UBASH3B: variants seen among roughly 807,000 people sequenced by gnomAD.
UBASH3B encodes the protein ubiquitin associated and SH3 domain containing B.
In UBASH3B, 37 loss-of-function variants were observed where a neutral mutation model predicts 83.4. The observed-to-expected ratio is 0.44, with a 90% confidence interval of 0.34 to 0.58. UBASH3B has a LOEUF of 0.58. UBASH3B is among the 20% of genes least tolerant of loss of function. The pLI is 0.01. For synonymous variants in UBASH3B, 304 were observed against 318.3 expected (o/e 0.96, Z 0.48); for missense variants, 657 against 827.2 (o/e 0.79, Z 2.52).
At chr11:122,768,508 G>GTGTATA (rs557159523) in intron 1 of UBASH3B, among the ~76,000 whole-genome samples, 4,809 of 134,272 alleles carry the variant, frequency 0.036, 113 homozygotes, top group Admixed American at 0.077. Flanking sequence ...GTGTGTGTGT[G>GTGTATA]TATATATATA....
At chr11:122,768,861 AACT>A (rs563945622) in intron 1 of UBASH3B, among the ~76,000 whole-genome samples, 63 of 152,288 alleles carry the variant, frequency 4.1e-4, no homozygotes, top group Admixed American at 2.6e-3. Context: ...CAAGATTGAC[AACT>A]ACTCAGTACA....
intron 2 of UBASH3B, 104 bp from the exon 3 acceptor site, chr11:122,776,920 T>G: frequency 9.0e-7 from 1 of 1,106,526 alleles, no homozygotes. Flanking sequence ...CCCCGCGCTG[T>G]GCCGGGGATT....
intron 1 of UBASH3B, among the ~76,000 whole-genome samples, chr11:122,724,152 G>A (rs1355425828): frequency 2.6e-5 from 4 of 152,198 alleles, no homozygotes. Context: ...AGAGTTAAGA[G>A]CCTAAGCTCT....
chr11:122,669,403 C>T (rs1182301259), intron 1 of UBASH3B, among the ~76,000 whole-genome samples: 1 of 152,192 alleles, frequency 6.6e-6, no homozygotes, highest in Non-Finnish European at 1.5e-5. Context: ...TGCCTCACTC[C>T]TTTCCTTGTA....
At position 122,812,673 on chromosome 11, in the gene UBASH3B, A is replaced by T. The variant is rs1861471210; in HGVS notation, c.*2787A>T. On this transcript the variant is annotated 3_prime_UTR_variant, in exon 14 of 14. Transcript: ENST00000284273. The stretch of plus-strand genomic sequence containing the variant: ...GTTTTAATCTGGGATTGAAAGCCTG[A>T]AAGCATTTCCTGCTTCTACAAGTGT... The T allele has an allele frequency of 6.6e-6, 1 of 152,250 alleles. No individual in the cohort carries two copies. Among genetic ancestry groups the T allele is most frequent in the Non-Finnish European group, 1.5e-5 (1 of 68,040 alleles). The allele number at this position is 152,250 out of a possible 1,614,324, so 9.4% of individuals were successfully genotyped here. A position where few individuals can be genotyped will look rare whatever the true frequency, so the allele number is the denominator to read the frequency against.
At chr11:122,721,444 G>A (rs4935803) in intron 1 of UBASH3B, among the ~76,000 whole-genome samples, 72,303 of 151,604 alleles carry the variant, frequency 0.48, 18,620 homozygotes, top group Non-Finnish European at 0.59. Flanking sequence ...TTGCTTTCCC[G>A]TATGATGATA....
intron 1 of UBASH3B, 156 bp from the exon 2 acceptor site, chr11:122,776,063 C>T (rs1325202128): frequency 3.3e-6 from 2 of 611,228 alleles, no homozygotes; most frequent in East Asian, 3.1e-5. Context: ...CTTGATATGA[C>T]CCTTGGGGGA....
intron 1 of UBASH3B, among the ~76,000 whole-genome samples, chr11:122,742,305 C>A (rs894009798): frequency 1.3e-5 from 2 of 152,190 alleles, no homozygotes; most frequent in Admixed American, 6.5e-5. Flanking sequence ...TGCAAGAAAC[C>A]ATCCTAAGTA....
At chr11:122,730,191 CAGA>C (rs1860818551) in intron 1 of UBASH3B, among the ~76,000 whole-genome samples, 1 of 152,010 alleles carries the variant, frequency 6.6e-6, no homozygotes, top group Non-Finnish European at 1.5e-5. Flanking sequence ...GAGGCTGAGG[CAGA>C]AGAATTGCCT....
chr11:122,804,164 G>A (rs991614804), intron 11 of UBASH3B, among the ~76,000 whole-genome samples: 4 of 152,102 alleles, frequency 2.6e-5, no homozygotes, highest in African/African-American at 9.7e-5. Flanking sequence ...TGTGGGCAGG[G>A]GATGGGCCTG....
At chr11:122,690,461 G>A (rs1863880427) in intron 1 of UBASH3B, among the ~76,000 whole-genome samples, 1 of 151,528 alleles carries the variant, frequency 6.6e-6, no homozygotes, top group Non-Finnish European at 1.5e-5. Flanking sequence ...ATGCTAAGTA[G>A]GATTACATTC....
intron 1 of UBASH3B, among the ~76,000 whole-genome samples, chr11:122,690,214 T>TATATATA (rs1863873410): frequency 3.8e-5 from 2 of 52,638 alleles, no homozygotes; most frequent in African/African-American, 8.1e-5. Flanking sequence ...ATATATCCAA[T>TATATATA]TATATATATA....
chr11:122,803,840 C>T (rs2135187146), intron 11 of UBASH3B, among the ~76,000 whole-genome samples: 1 of 152,072 alleles, frequency 6.6e-6, no homozygotes, highest in Non-Finnish European at 1.5e-5. Flanking sequence ...CACCGTATTC[C>T]AGGTTGAGTG....
intron 5 of UBASH3B, among the ~76,000 whole-genome samples, chr11:122,788,055 C>T (rs978327550): frequency 4.6e-5 from 7 of 152,138 alleles, no homozygotes; most frequent in Admixed American, 6.5e-5. Flanking sequence ...TACCAGGAAA[C>T]GAAGGCAAAA....
chr11:122,763,753 T>A (rs1860484843), intron 1 of UBASH3B, among the ~76,000 whole-genome samples: 1 of 152,218 alleles, frequency 6.6e-6, no homozygotes, highest in Admixed American at 6.5e-5. Flanking sequence ...AAATTGAGTC[T>A]TTGTGATCAA....
At chr11:122,691,125 T>C (rs1313252849) in intron 1 of UBASH3B, among the ~76,000 whole-genome samples, 1 of 152,156 alleles carries the variant, frequency 6.6e-6, no homozygotes, top group Non-Finnish European at 1.5e-5. Context: ...TATGTTTGCC[T>C]CTCTCCAAAA....
chr11:122,798,820 G>C, intron 9 of UBASH3B, 122 bp from the exon 10 acceptor site: 1 of 656,796 alleles, frequency 1.5e-6, no homozygotes, highest in Non-Finnish European at 2.6e-6. Context: ...CTGGCTCTAT[G>C]TGAGCCCCAG....
intron 1 of UBASH3B, among the ~76,000 whole-genome samples, chr11:122,676,747 C>T (rs1174584742): frequency 6.6e-6 from 1 of 152,132 alleles, no homozygotes; most frequent in Non-Finnish European, 1.5e-5. Context: ...AGCATCCCTG[C>T]ATTATTGAAC....
chr11:122,665,404 G>A (rs1345349483), intron 1 of UBASH3B, among the ~76,000 whole-genome samples: 1 of 151,728 alleles, frequency 6.6e-6, no homozygotes, highest in Non-Finnish European at 1.5e-5. Flanking sequence ...CATTGCCCAG[G>A]CTTGTCTCAA....
Sources: gnomAD v4.1 joint callset for allele counts (sites outside exome capture counted in the v4.1 genomes callset) on GRCh38, gnomAD v4.1.1 for gene constraint, MANE v1.5 for transcripts, NCBI Gene and HGNC (gene_info 2026-07-23, HGNC 2026-07-21) for gene names.